The following TAFA5 variants were observed in gnomAD, a reference collection of about 807,000 sequenced individuals.
TAFA5 encodes the protein TAFA chemokine like family member 5, also known as chemokine-like protein TAFA-5.
In TAFA5, 6 loss-of-function variants were observed where a neutral mutation model predicts 15.3. That is an observed-to-expected ratio of 0.39 (90% CI 0.21 to 0.77). The LOEUF is 0.77. TAFA5 is among the 30% of genes least tolerant of loss of function. The pLI, the probability that TAFA5 is intolerant of heterozygous loss-of-function variation, is 0.41. For synonymous variants in TAFA5, 103 were observed against 80.7 expected, an observed-to-expected ratio of 1.28 and a Z score of -1.48; for missense variants, 161 against 193.1, an observed-to-expected ratio of 0.83 and a Z score of 0.98.
chr22:48,737,383 G>A (rs1930059493), intron 3 of TAFA5, among the ~76,000 whole-genome samples: 2 of 152,180 alleles, frequency 1.3e-5, no homozygotes, highest in South Asian at 2.1e-4. Flanking sequence ...TGCTTCTGAC[G>A]CTGCCTTTGA....
chr22:48,518,720 T>C (rs1921502254), intron 1 of TAFA5, among the ~76,000 whole-genome samples: 1 of 151,940 alleles, frequency 6.6e-6, no homozygotes, highest in African/African-American at 2.4e-5. Context: ...AGGAAACAGG[T>C]CCCCTAAGGT....
intron 1 of TAFA5, among the ~76,000 whole-genome samples, chr22:48,602,073 C>T (rs1924994664): frequency 6.6e-6 from 1 of 152,198 alleles, no homozygotes; most frequent in Admixed American, 6.5e-5. Flanking sequence ...TCAAGGGCAA[C>T]TACAGGACCC....
chr22:48,501,810 CG>C (rs1485668363), intron 1 of TAFA5, among the ~76,000 whole-genome samples: 1 of 152,302 alleles, frequency 6.6e-6, no homozygotes, highest in African/African-American at 2.4e-5. Context: ...CTCTGTGCCC[CG>C]GAGGGTGCAT....
At chr22:48,584,003 TAACACAC>T (rs958803744) in intron 1 of TAFA5, among the ~76,000 whole-genome samples, 2 of 105,548 alleles carry the variant, frequency 1.9e-5, no homozygotes, top group African/African-American at 7.7e-5. Flanking sequence ...CCCACACATA[TAACACAC>T]CACACACCAC....
intron 1 of TAFA5, among the ~76,000 whole-genome samples, chr22:48,575,918 G>A (rs1241610660): frequency 1.4e-5 from 2 of 143,204 alleles, no homozygotes; most frequent in Non-Finnish European, 3.1e-5. Flanking sequence ...GCCCCGGGCC[G>A]GAGCGAGCGC....
intron 1 of TAFA5, among the ~76,000 whole-genome samples, chr22:48,499,813 G>A (rs1187927280): frequency 2.6e-5 from 4 of 152,260 alleles, no homozygotes; most frequent in East Asian, 3.9e-4. Context: ...CTTCCCTCCC[G>A]GGTCCCCTTG....
At chr22:48,642,447 C>G (rs564646845) in intron 1 of TAFA5, among the ~76,000 whole-genome samples, 1 of 152,208 alleles carries the variant, frequency 6.6e-6, no homozygotes. Flanking sequence ...CTGAACCCCC[C>G]TTTCTGAGAA....
rs547977982 is a variant in TAFA5 at position 48,701,140 on chromosome 22, G to A, written c.263-6577G>A. 1.8e-4 allele frequency among the ~76,000 whole-genome samples: 28 copies of A among 152,286 alleles called. No homozygotes were observed. In the South Asian group the frequency reaches 2.1e-3, roughly 11 times the overall value. On this transcript the variant is annotated intron_variant, in intron 2 of 3. Coordinates refer to ENST00000402357, the MANE Select transcript of TAFA5 (RefSeq NM_001082967.3). The stretch of plus-strand genomic sequence containing the variant: ...GGGTGCCCGAGGCGGCACACAGCTC[G>A]AGTGGGTGTCTCAGGACCGGCTCCT...
intron 2 of TAFA5, among the ~76,000 whole-genome samples, chr22:48,650,462 C>T (rs1289416289): frequency 6.6e-6 from 1 of 152,096 alleles, no homozygotes; most frequent in Admixed American, 6.5e-5. Context: ...CCCAGAGTGC[C>T]ATCACTTTTT....
intron 2 of TAFA5, among the ~76,000 whole-genome samples, chr22:48,698,066 A>ATGATGG (rs1555900548): frequency 6.8e-5 from 10 of 146,104 alleles, no homozygotes; most frequent in Admixed American, 2.8e-4. Context: ...TGATGTCATA[A>ATGATGG]TGATGGTGAT....
intron 2 of TAFA5, among the ~76,000 whole-genome samples, chr22:48,663,278 A>C (rs1277543886): frequency 6.6e-6 from 1 of 152,226 alleles, no homozygotes; most frequent in African/African-American, 2.4e-5. Flanking sequence ...AGGTCAAGCC[A>C]GACCCTGCAG....
chr22:48,496,729 T>C (rs1419605834), intron 1 of TAFA5, among the ~76,000 whole-genome samples: 1 of 151,646 alleles, frequency 6.6e-6, no homozygotes, highest in African/African-American at 2.4e-5. Context: ...GCAGGGAGAG[T>C]TGTGAAGGGC....
In TAFA5 at chr22:48,566,500, G is replaced by C. The variant is rs1317020806; in HGVS notation, c.112+76796G>C. Among the ~76,000 whole-genome samples, 1 of 152,154 alleles carries C rather than the reference G, an allele frequency of 6.6e-6. No homozygotes were observed. The stretch of plus-strand genomic sequence containing the variant: ...GGTGGATGACAGATGGATGGATGAT[G>C]TACAGATGGACAAATGGGTGAGTGG... On this transcript the variant is annotated intron_variant, in intron 1 of 3. Coordinates refer to ENST00000402357, the MANE Select transcript of TAFA5 (RefSeq NM_001082967.3). The surrounding 1 kb of genome is among the most constrained non-coding windows in gnomAD (Gnocchi z 4.5).
intron 1 of TAFA5, among the ~76,000 whole-genome samples, chr22:48,638,045 C>T (rs1304668659): frequency 6.6e-6 from 1 of 152,038 alleles, no homozygotes; most frequent in Non-Finnish European, 1.5e-5. Context: ...GTATTAGAAA[C>T]CACACACCTT....
At chr22:48,688,648 A>AG (rs1160926762) in intron 2 of TAFA5, among the ~76,000 whole-genome samples, 3 of 152,154 alleles carry the variant, frequency 2.0e-5, no homozygotes, top group African/African-American at 7.2e-5. Flanking sequence ...CTTAGCTGAA[A>AG]GGAGAGTCTT....
chr22:48,548,976 G>A (rs893042939), intron 1 of TAFA5, among the ~76,000 whole-genome samples: 1 of 152,292 alleles, frequency 6.6e-6, no homozygotes, highest in East Asian at 1.9e-4. Flanking sequence ...AGAGCCTTTT[G>A]GCCAAAGAGA....
At chr22:48,729,939 C>G (rs988548246) in intron 3 of TAFA5, among the ~76,000 whole-genome samples, 2 of 152,092 alleles carry the variant, frequency 1.3e-5, no homozygotes, top group African/African-American at 4.8e-5. Context: ...CTAGCAGCTG[C>G]ATACACCCAC....
At chr22:48,491,015 C>G (rs551716449) in intron 1 of TAFA5, among the ~76,000 whole-genome samples, 31 of 152,296 alleles carry the variant, frequency 2.0e-4, no homozygotes, top group Admixed American at 3.9e-4. Context: ...TTCCTACTTG[C>G]TTCAGCGCGG....
chr22:48,524,312 A>G (rs73888428), intron 1 of TAFA5, among the ~76,000 whole-genome samples: 4,494 of 152,210 alleles, frequency 0.03, 243 homozygotes, highest in African/African-American at 0.1. Context: ...TGGAGTGGAG[A>G]GGAAGCTCCT....
Sources: allele counts gnomAD v4.1 joint callset (sites outside exome capture counted in the v4.1 genomes callset), GRCh38; gene constraint gnomAD v4.1.1; non-coding constraint Gnocchi (gnomAD v3.1); transcripts MANE v1.5; gene names NCBI Gene and HGNC (gene_info 2026-07-23, HGNC 2026-07-21).